GPC1: variants seen among roughly 807,000 people sequenced by gnomAD.
The protein encoded by GPC1 is glypican 1.
A neutral mutation model predicts 51.5 loss-of-function variants in GPC1; 26 were observed. The ratio of observed to expected loss-of-function variants is 0.50; its 90% CI spans 0.37 to 0.70. GPC1 has a LOEUF of 0.70. Among genes scored for constraint, GPC1 ranks in the 30% least tolerant of loss-of-function variants. The probability of loss-of-function intolerance (pLI) is 0.00; values close to 1 mark genes in which losing one functional copy is unlikely to be tolerated. For missense variants in GPC1, 775 were observed against 800.5 expected (o/e 0.97, Z 0.38); for synonymous variants, 380 against 348.3 (o/e 1.09, Z -1.01).
chr2:240,456,384 C>T (rs374027149), intron 1 of GPC1, among the ~76,000 whole-genome samples: 115 of 152,216 alleles, frequency 7.6e-4, no homozygotes, highest in African/African-American at 2.7e-3. Context: ...CGGCGGGGGA[C>T]GCCACCCACC....
chr2:240,449,611 T>C (rs2074078520), intron 1 of GPC1: 2 of 289,970 alleles, frequency 6.9e-6, no homozygotes, highest in Non-Finnish European at 1.4e-5. Context: ...TGGCGTTCAG[T>C]CCATTCATGC....
chr2:240,457,789 C>T lies in GPC1; in HGVS notation c.167-1241C>T, dbSNP rs112221211. ...CACTTCCTGCTGACCCTCAGGAGGG[C>T]GTAAAAGAATGCAGGACCTGCTGCA... On this transcript the variant is annotated intron_variant, in intron 1 of 8. Coordinates refer to ENST00000264039, the MANE Select transcript of GPC1 (RefSeq NM_002081.3). Among the ~76,000 whole-genome samples the T allele has an allele frequency of 1.1e-3, 160 of 152,266 alleles. 1 individual carries two copies. Among genetic ancestry groups the T allele is most frequent in the Non-Finnish European group, 1.3e-3 (91 of 67,992 alleles).
In GPC1 at chr2:240,462,292, G is replaced by C; in HGVS notation, c.427G>C (p.Asp143His). Residue 143 changes from aspartate (D) to histidine (H), a missense_variant, in exon 3 of 9, where the codon GAC becomes CAC. By Grantham distance (81) the Asp-to-His change is moderately conservative. Coordinates refer to ENST00000264039, the MANE Select transcript of GPC1 (RefSeq NM_002081.3). ...CACGCAGAACGCGAGGGCCTTCCGG[G>C]ACCTGTACTCAGAGCTGCGCCTGTA... The part of the protein sequence containing the change: ...LYTQNARAFR[D>H]LYSELRLYYR... The C allele has an allele frequency of 6.2e-7, 1 of 1,609,120 alleles. No homozygotes were observed. Among genetic ancestry groups the C allele is most frequent in the African/African-American group, 1.3e-5 (1 of 74,948 alleles).
chr2:240,465,054 G>A, intron 6 of GPC1, 23 bp from the exon 7 acceptor site: 1 of 1,590,470 alleles, frequency 6.3e-7, no homozygotes, highest in Non-Finnish European at 8.6e-7. Context: ...TGGCAGCCCA[G>A]TGGCCTGACT....
chr2:240,449,526 G>A (rs2074077726), intron 1 of GPC1: 1 of 241,116 alleles, frequency 4.1e-6, no homozygotes, highest in South Asian at 5.7e-5. Flanking sequence ...GGGGAGAAGA[G>A]TTGTTTGCTT....
chr2:240,457,363 C>T (rs1429797783), intron 1 of GPC1: 4 of 447,958 alleles, frequency 8.9e-6, no homozygotes, highest in African/African-American at 4.0e-5. Context: ...AGCCCGGATT[C>T]GGGTTCTCTG....
At chr2:240,440,144 T>TC (rs992676385) in intron 1 of GPC1, among the ~76,000 whole-genome samples, 44 of 151,876 alleles carry the variant, frequency 2.9e-4, no homozygotes, top group Non-Finnish European at 5.0e-4. Flanking sequence ...TCGGGCTGTG[T>TC]CCCCCCTCTC....
rs779147625 is a variant in GPC1, at chr2:240,459,041, C to T, written c.178C>T (p.Arg60Trp). ...GCCTTTCCCCACAGGTGAGCACCTG[C>T]GGATCTGTCCCCAGGGCTACACCTG... ...PQAEISGEHL[R>W]ICPQGYTCCT... Residue 60 changes from arginine to tryptophan, a missense_variant, in exon 2 of 9, where the codon CGG (arginine) becomes TGG (tryptophan). By Grantham distance (101) the Arg-to-Trp change is moderately radical. Transcript: ENST00000264039. 1.1e-5 allele frequency: 17 copies of T among 1,612,322 alleles called. No individual in the cohort carries two copies. Among genetic ancestry groups the T allele is most frequent in the South Asian group, 8.8e-5 (8 of 91,058 alleles).
chr2:240,457,904 A>C, intron 1 of GPC1: 1 of 364,272 alleles, frequency 2.7e-6, no homozygotes, highest in Non-Finnish European at 5.8e-6. Context: ...ATTCCTGCTG[A>C]CAACGCCCCC....
At chr2:240,452,158 A>AGGG (rs2074104759) in intron 1 of GPC1, 2 of 152,428 alleles carry the variant, frequency 1.3e-5, no homozygotes, top group Non-Finnish European at 2.9e-5. Context: ...GGCTGCAGGG[A>AGGG]GGGGAGGGTG....
At chr2:240,454,632 C>T (rs1252451473) in intron 1 of GPC1, among the ~76,000 whole-genome samples, 1 of 152,218 alleles carries the variant, frequency 6.6e-6, no homozygotes, top group Non-Finnish European at 1.5e-5. Context: ...CCGTGGGAGG[C>T]AATGCAGGCT....
At chr2:240,463,608 C>G in intron 4 of GPC1, 96 bp downstream of exon 4, 1 of 1,039,266 alleles carries the variant, frequency 9.6e-7, no homozygotes, top group Non-Finnish European at 1.4e-6. Context: ...AGAGCTTGGA[C>G]CCAGGGACCT....
intron 1 of GPC1, among the ~76,000 whole-genome samples, chr2:240,455,451 C>G (rs754023769): frequency 4.6e-5 from 7 of 152,176 alleles, no homozygotes; most frequent in Non-Finnish European, 1.0e-4. Context: ...CGGAAGGGCC[C>G]AGATGCCTCC....
At chr2:240,464,457 T>C (rs1454986262) in intron 4 of GPC1, 159 bp from the exon 5 acceptor site, 3 of 923,774 alleles carry the variant, frequency 3.2e-6, no homozygotes, top group African/African-American at 1.6e-5. Context: ...CCTGCACATG[T>C]CACACGGGCC....
chr2:240,436,161 T>A, intron 1 of GPC1, 77 bp downstream of exon 1: 1 of 1,020,192 alleles, frequency 9.8e-7, no homozygotes, highest in Non-Finnish European at 1.3e-6. Flanking sequence ...CCGACGCGGC[T>A]ACTCGCCCCC....
At chr2:240,444,588 C>CGCCGTCAGCAGTG (rs1553545222) in intron 1 of GPC1, among the ~76,000 whole-genome samples, 1 of 101,516 alleles carries the variant, frequency 9.9e-6, no homozygotes, top group African/African-American at 3.0e-5. Flanking sequence ...TTCCTGGGTG[C>CGCCGTCAGCAGTG]GCCATCAGCA....
At position 240,466,474 on chromosome 2, in the gene GPC1, T is replaced by C; in HGVS notation, c.*184T>C. ...TGGCCTCGCCTGCCTTTCTGCCTTT[T>C]AATTTTGTATGAGGTCCTCAGGTCA... is the stretch of plus-strand genomic sequence containing the variant. On this transcript the variant is annotated 3_prime_UTR_variant, in exon 9 of 9. Transcript: ENST00000264039. The C allele has an allele frequency of 1.7e-6, 1 of 582,022 alleles. No individual in the cohort carries two copies. The allele number at this position is 582,022 out of a possible 1,614,324, so 36.1% of individuals were successfully genotyped here.
chr2:240,449,878 A>G (rs1465434675), intron 1 of GPC1: 2 of 470,550 alleles, frequency 4.3e-6, no homozygotes, highest in African/African-American at 4.0e-5. Context: ...CATGTGTCAG[A>G]ATTTCTTCCT....
intron 1 of GPC1, chr2:240,451,249 G>A (rs539984830): frequency 8.1e-5 from 38 of 471,124 alleles, no homozygotes; most frequent in African/African-American, 5.0e-4. Context: ...TGGCATTCAC[G>A]GGGCAGATGG....
Sources: allele counts gnomAD v4.1 joint callset (sites outside exome capture counted in the v4.1 genomes callset), GRCh38; gene constraint gnomAD v4.1.1; transcripts MANE v1.5; gene names NCBI Gene and HGNC (gene_info 2026-07-23, HGNC 2026-07-21).